Variants in DMXL2 observed in about 807,000 individuals in gnomAD.
DMXL2 encodes dmX-like protein 2.
Under a neutral mutation model 331.1 loss-of-function variants are expected in DMXL2, and 103 were observed. The ratio of observed to expected loss-of-function variants is 0.31; its 90% confidence interval spans 0.27 to 0.37. The LOEUF (loss-of-function observed/expected upper bound fraction) is 0.37. Among genes scored for constraint, DMXL2 ranks in the 10% least tolerant of loss-of-function variants. The pLI is 1.00. For missense variants in DMXL2, 3,171 were observed against 3,642.9 expected (o/e 0.87, Z 3.33); for synonymous variants, 1,281 against 1,252.1 (o/e 1.02, Z -0.49).
intron 6 of DMXL2, among the ~76,000 whole-genome samples, chr15:51,561,309 T>C (rs2049954842): frequency 6.6e-6 from 1 of 152,216 alleles, no homozygotes; most frequent in Admixed American, 6.5e-5. Context: ...TGCTTTGGCT[T>C]TGATTCTGGG....
intron 29 of DMXL2, among the ~76,000 whole-genome samples, chr15:51,469,277 G>A (rs1477955191): frequency 1.3e-5 from 2 of 151,838 alleles, no homozygotes; most frequent in Non-Finnish European, 2.9e-5. Context: ...AAAGTAGTGG[G>A]GAGAGGTATA....
At chr15:51,479,826 T>C (rs868239312) in intron 25 of DMXL2, 122 bp downstream of exon 25, 2 of 641,622 alleles carry the variant, frequency 3.1e-6, no homozygotes, top group Non-Finnish European at 2.4e-6. Flanking sequence ...AGTCTTGAAC[T>C]GATCATGAGT....
chr15:51,480,281 T>C (rs1279436313), intron 24 of DMXL2, 142 bp from the exon 25 acceptor site: 4 of 890,004 alleles, frequency 4.5e-6, no homozygotes, highest in Non-Finnish European at 6.7e-6. Flanking sequence ...GCACCCAGTA[T>C]GTACCAGGTA....
In DMXL2 at chr15:51,536,285, G is replaced by A. The variant is rs1465928229; in HGVS notation, c.2195C>T (p.Pro732Leu). ...YSELILWRVD[P>L]IGPLSYTGGV... ...TCCAGTGTATGACAAAGGTCCTATT[G>A]GGTCTACACGCCACAGAATAAGTTC... Residue 732 changes from proline (P) to leucine (L), a missense_variant, in exon 12 of 44, where the codon CCA (proline) becomes CTA (leucine). By Grantham distance (98) the Pro-to-Leu change is moderately conservative. Coordinates refer to ENST00000560891, the MANE Select transcript of DMXL2 (RefSeq NM_001378457.1). The A allele has an allele frequency of 1.2e-6, 2 of 1,613,864 alleles. No individual in the cohort carries two copies. Among genetic ancestry groups the A allele is most frequent in the Non-Finnish European group, 1.7e-6 (2 of 1,179,874 alleles).
chr15:51,540,959 C>T (rs1567091337), intron 9 of DMXL2, among the ~76,000 whole-genome samples: 2 of 152,076 alleles, frequency 1.3e-5, no homozygotes, highest in Non-Finnish European at 2.9e-5. Context: ...ATAGTGTACA[C>T]AGTTAAAAAG....
chr15:51,495,163 G>A, intron 18 of DMXL2, 29 bp from the exon 19 acceptor site: 1 of 1,488,782 alleles, frequency 6.7e-7, no homozygotes, highest in Non-Finnish European at 9.3e-7. Flanking sequence ...ATATGTTTAA[G>A]GAAAAAAGAA....
chr15:51,491,842 A>G, intron 19 of DMXL2, 95 bp from the exon 20 acceptor site: 1 of 1,047,306 alleles, frequency 9.5e-7, no homozygotes, highest in Non-Finnish European at 1.3e-6. Flanking sequence ...CATTTTGGAA[A>G]GAATTTTGAA....
chr15:51,614,657 ATGTG>A (rs1448365244), intron 1 of DMXL2, among the ~76,000 whole-genome samples: 1 of 152,234 alleles, frequency 6.6e-6, no homozygotes, highest in Non-Finnish European at 1.5e-5. Flanking sequence ...TGTTTTTACT[ATGTG>A]TGTATTACAC....
chr15:51,531,813 T>C (rs2048017547), intron 13 of DMXL2, among the ~76,000 whole-genome samples: 1 of 151,966 alleles, frequency 6.6e-6, no homozygotes, highest in Non-Finnish European at 1.5e-5. Flanking sequence ...AAATCAAAAC[T>C]ACAATAAGAT....
intron 1 of DMXL2, among the ~76,000 whole-genome samples, chr15:51,596,464 C>A (rs2034600754): frequency 6.6e-6 from 1 of 152,204 alleles, no homozygotes; most frequent in Non-Finnish European, 1.5e-5. Context: ...CACTTTTACA[C>A]TGCTGGTGGG....
At chr15:51,536,938 C>G (rs2048321856) in intron 11 of DMXL2, 76 bp from the exon 12 acceptor site, 1 of 1,244,320 alleles carries the variant, frequency 8.0e-7, no homozygotes, top group East Asian at 2.4e-5. Flanking sequence ...TCTCAAAATA[C>G]CAAATCTCAG....
At chr15:51,470,846 G>A (rs1209241309) in intron 29 of DMXL2, among the ~76,000 whole-genome samples, 1 of 152,010 alleles carries the variant, frequency 6.6e-6, no homozygotes, top group African/African-American at 2.4e-5. Context: ...TGATAAAACC[G>A]CCAAATGTCC....
At chr15:51,535,231 G>T (rs1427946933) in intron 13 of DMXL2, among the ~76,000 whole-genome samples, 1 of 152,082 alleles carries the variant, frequency 6.6e-6, no homozygotes, top group Admixed American at 6.6e-5. Context: ...ATGAGATGCT[G>T]CCACCCACTG....
chr15:51,541,536 A>T (rs2048596536), intron 9 of DMXL2, among the ~76,000 whole-genome samples: 1 of 152,154 alleles, frequency 6.6e-6, no homozygotes, highest in South Asian at 2.1e-4. Flanking sequence ...AACAGCACAT[A>T]TCTAGAGTTA....
intron 37 of DMXL2, among the ~76,000 whole-genome samples, chr15:51,456,595 T>G (rs143847464): frequency 2.0e-5 from 3 of 152,268 alleles, no homozygotes; most frequent in African/African-American, 7.2e-5. Flanking sequence ...CCAAGGAGCT[T>G]CATCTCATAA....
intron 32 of DMXL2, 37 bp from the exon 33 acceptor site, chr15:51,463,533 C>A: frequency 1.7e-6 from 2 of 1,181,110 alleles, no homozygotes; most frequent in South Asian, 2.9e-5. Context: ...CTACTTTAGT[C>A]TATAGAAAAT....
At chr15:51,478,978 A>G (rs1192286291) in intron 25 of DMXL2, among the ~76,000 whole-genome samples, 1 of 152,106 alleles carries the variant, frequency 6.6e-6, no homozygotes, top group African/African-American at 2.4e-5. Context: ...TCAGACTCAC[A>G]AAATCTTTAA....
intron 1 of DMXL2, among the ~76,000 whole-genome samples, chr15:51,620,717 G>C (rs2054571805): frequency 6.6e-6 from 1 of 152,160 alleles, no homozygotes. Context: ...ATGAAAAGGA[G>C]TAAATCTGGT....
At chr15:51,460,110 G>T (rs1273497292) in intron 33 of DMXL2, 1 of 945,408 alleles carries the variant, frequency 1.1e-6, no homozygotes, top group African/African-American at 1.8e-5. Flanking sequence ...TAAGGAATAT[G>T]ATGATTTTTC....
Sources: allele counts gnomAD v4.1 joint callset (sites outside exome capture counted in the v4.1 genomes callset), GRCh38; gene constraint gnomAD v4.1.1; transcripts MANE v1.5; gene names NCBI Gene and HGNC (gene_info 2026-07-23, HGNC 2026-07-21).